TRMU: variants seen among roughly 807,000 people sequenced by gnomAD.
TRMU encodes the protein mitochondrial tRNA-specific 2-thiouridylase 1.
A neutral mutation model predicts 46.9 loss-of-function variants in TRMU; 49 were observed. The observed-to-expected ratio is 1.05, with a 90% CI of 0.83 to 1.33. The LOEUF (loss-of-function observed/expected upper bound fraction) is 1.33, where lower values mean the gene tolerates loss of function less well. Ranked by LOEUF, TRMU falls within the 40% of genes most tolerant of loss-of-function variation. TRMU has a pLI of 0.00. For synonymous variants in TRMU, 241 were observed against 200.9 expected (o/e 1.20, Z -1.69); for missense variants, 572 against 532.4 (o/e 1.07, Z -0.73).
chr22:46,355,456 G>C lies in TRMU; in HGVS notation c.886G>C (p.Asp296His). Residue 296 changes from aspartate to histidine, a missense_variant, in exon 9 of 11, where the codon GAC becomes CAC. By Grantham distance (81) the Asp-to-His change is moderately conservative. Transcript: ENST00000645190. ...TTCCATTCTGCAGGCCCCCCGGACA[G>C]ACCACCCAGCCCTGTACAGGGACCT... ...KGDVFVAPRT[D>H]HPALYRDLLR... 1 of 1,612,836 alleles carries C rather than the reference G, an allele frequency of 6.2e-7. No homozygotes were observed. Among genetic ancestry groups the C allele is most frequent in the Non-Finnish European group, 8.5e-7 (1 of 1,179,728 alleles).
At chr22:46,355,941 G>A (rs371352968) in intron 9 of TRMU, 49 bp from the exon 10 acceptor site, 62 of 1,602,732 alleles carry the variant, frequency 3.9e-5, no homozygotes, top group Non-Finnish European at 4.8e-5. Flanking sequence ...GCCTGAGGTC[G>A]ACCAGGAAAG....
rs998591992 is a variant in TRMU at position 46,350,969 on chromosome 22, G to A, written c.651+506G>A. ...CTTCGCCTCCATGGAGCCCGCCCGC[G>A]AGTGGGGGACACAGGCAGGAGGCCA... is the stretch of plus-strand genomic sequence containing the variant. On this transcript the variant is annotated intron_variant, in intron 5 of 10. Coordinates refer to ENST00000645190, the MANE Select transcript of TRMU (RefSeq NM_018006.5). This position sits in a 1 kb window ranked among gnomAD's most constrained non-coding sequence, Gnocchi z 4.6. 1.6e-4 allele frequency among the ~76,000 whole-genome samples: 24 copies of A among 152,326 alleles called. No individual in the cohort carries two copies. Among genetic ancestry groups the A allele is most frequent in the African/African-American group, 5.3e-4 (22 of 41,574 alleles).
Position 46,349,365 on chromosome 22 carries a change from G to C in TRMU, c.479-926G>C, listed in dbSNP as rs1046122688. 1.3e-5 allele frequency among the ~76,000 whole-genome samples: 2 copies of C among 152,144 alleles called. No individual in the cohort carries two copies. Among genetic ancestry groups the C allele is most frequent in the Admixed American group, 1.3e-4 (2 of 15,282 alleles). Reference sequence around the variant, plus strand: ...CTCCAGTCTCCCCTCTGTAACGTGGGGAGAATTCTCCCTCTCACGGCTAAC... The same window carrying C: ...CTCCAGTCTCCCCTCTGTAACGTGGCGAGAATTCTCCCTCTCACGGCTAAC... On this transcript the variant is annotated intron_variant, in intron 4 of 10. Transcript: ENST00000645190. This position sits in a 1 kb window ranked among gnomAD's most constrained non-coding sequence, Gnocchi z 4.6.
chr22:46,346,640 C>A, intron 4 of TRMU, 96 bp downstream of exon 4: 1 of 1,421,128 alleles, frequency 7.0e-7, no homozygotes, highest in South Asian at 1.1e-5. Flanking sequence ...TCACTGCCAC[C>A]CCTCCCTCTG....
intron 7 of TRMU, chr22:46,353,550 A>G (rs2147102064): frequency 2.0e-6 from 1 of 487,942 alleles, no homozygotes; most frequent in Admixed American, 2.6e-5. Context: ...TGTGGCCACC[A>G]CACCCCATGT....
At chr22:46,352,577 GA>G in intron 7 of TRMU, 4 of 594,322 alleles carry the variant, frequency 6.7e-6, no homozygotes, top group Non-Finnish European at 1.2e-5. Context: ...CTCTGACTTG[GA>G]AGGACTATAC....
Position 46,350,195 on chromosome 22 carries a change from A to T in TRMU, c.479-96A>T. ...TGTTGATGTCTGCCTCTGACAGGCT[A>T]GGGGTAGTCTGTCTAAGTGAACAGA... On this transcript the variant is annotated intron_variant, in intron 4 of 10. Coordinates refer to ENST00000645190, the MANE Select transcript of TRMU (RefSeq NM_018006.5). The surrounding 1 kb of genome is among the most constrained non-coding windows in gnomAD (Gnocchi z 4.6). 1 of 1,458,848 alleles carries T rather than the reference A, an allele frequency of 6.9e-7. No homozygotes were observed. The highest frequency in any genetic ancestry group is 9.6e-7 in the Non-Finnish European group (1 of 1,046,206). The allele number at this position is 1,458,848 out of a possible 1,614,324, so 90.4% of individuals were successfully genotyped here.
chr22:46,343,593 C>T (rs536487838), intron 3 of TRMU, among the ~76,000 whole-genome samples: 4 of 152,076 alleles, frequency 2.6e-5, no homozygotes, highest in Non-Finnish European at 4.4e-5. Flanking sequence ...CCAGGCTGGT[C>T]TCAGATTTCT....
Position 46,350,523 on chromosome 22 carries a change from G to A in TRMU, c.651+60G>A, listed in dbSNP as rs914619303. 4.9e-5 allele frequency: 79 copies of A among 1,597,954 alleles called. No homozygotes were observed. The highest frequency in any genetic ancestry group is 2.0e-4 in the East Asian group (9 of 44,784). Reference sequence around the variant, plus strand: ...TTTCCCTTTCCCGACTGCATGGCACGGAGCAGCTGGACCTGTGGGTCCCGC... The same window carrying A: ...TTTCCCTTTCCCGACTGCATGGCACAGAGCAGCTGGACCTGTGGGTCCCGC... On this transcript the variant is annotated intron_variant, in intron 5 of 10. Coordinates refer to ENST00000645190, the MANE Select transcript of TRMU (RefSeq NM_018006.5). The surrounding 1 kb of genome is among the most constrained non-coding windows in gnomAD (Gnocchi z 4.6).
At chr22:46,340,896 C>T (rs1218230787) in intron 2 of TRMU, among the ~76,000 whole-genome samples, 3 of 152,262 alleles carry the variant, frequency 2.0e-5, no homozygotes, top group Non-Finnish European at 4.4e-5. Context: ...GAGGTCGCCC[C>T]TGGCTCCAGC....
At position 46,350,271 on chromosome 22, in the gene TRMU, T is replaced by C. The variant is rs1180059676; in HGVS notation, c.479-20T>C. The C allele has an allele frequency of 6.2e-7, 1 of 1,614,040 alleles. No homozygotes were observed. Among genetic ancestry groups the C allele is most frequent in the Admixed American group, 1.7e-5 (1 of 60,002 alleles). On this transcript the variant is annotated intron_variant, in intron 4 of 10. Coordinates refer to ENST00000645190, the MANE Select transcript of TRMU (RefSeq NM_018006.5). The surrounding 1 kb of genome is among the most constrained non-coding windows in gnomAD (Gnocchi z 4.6). ...ATTATTTTTATTCCTGCATCGTCTTTTGTTCTTTATTCTTGGCAGCGGTAA... is the reference window on the plus strand; with the variant it reads ...ATTATTTTTATTCCTGCATCGTCTTCTGTTCTTTATTCTTGGCAGCGGTAA...
In TRMU at chr22:46,343,192, T is replaced by C. The variant is rs533863515; in HGVS notation, c.249-70T>C. The C allele has an allele frequency of 1.6e-4, 179 of 1,133,516 alleles. 2 individuals carry two copies. In the South Asian group the frequency reaches 2.2e-3, roughly 14 times the overall value. 70.2% of individuals were successfully genotyped at this position (1,133,516 alleles called of 1,614,324 possible). ...GGGAAATTACATTAAACAAGCAATT[T>C]AGTGAACTTTTTTTTTTTTTTTGAG... On this transcript the variant is annotated intron_variant, in intron 2 of 10. Transcript: ENST00000645190.
Position 46,337,794 on chromosome 22 carries a change from G to A in TRMU, c.98G>A (p.Gly33Glu), listed in dbSNP as rs2078017116. The A allele has an allele frequency of 3.1e-6, 5 of 1,614,080 alleles. No individual in the cohort carries two copies. In the South Asian group the frequency reaches 3.3e-5, roughly 11 times the overall value. Residue 33 changes from glycine to glutamate, a missense_variant, in exon 2 of 11, where the codon GGG (glycine) becomes GAG (glutamate). Transcript: ENST00000645190. ...CCGCCCGCAGGTTACCAGGTGACAG[G>A]GGTGTTTATGAAGAACTGGGACTCA... ...LLRRRGYQVT[G>E]VFMKNWDSLD...
In TRMU at chr22:46,337,918, A is replaced by C; in HGVS notation, c.222A>C (p.Val74=). ...LDIPFHQVSY[V]KEYWNDVFSD... is the part of the protein sequence containing the mutation. ...TCCCTTTCCATCAAGTGTCCTACGTAAAGGAGTATTGGAATGATGTGTTCA... is the reference window on the plus strand; with the variant it reads ...TCCCTTTCCATCAAGTGTCCTACGTCAAGGAGTATTGGAATGATGTGTTCA... The change falls in exon 2 of 11, where the codon GTA becomes GTC. Residue 74 remains valine, a synonymous_variant. Transcript: ENST00000645190. 1 of 1,614,204 alleles carries C rather than the reference A, an allele frequency of 6.2e-7. No individual in the cohort carries two copies. The highest frequency in any genetic ancestry group is 8.5e-7 in the Non-Finnish European group (1 of 1,180,026).
intron 2 of TRMU, among the ~76,000 whole-genome samples, chr22:46,341,366 A>G (rs1434832254): frequency 6.6e-6 from 1 of 152,230 alleles, no homozygotes; most frequent in Non-Finnish European, 1.5e-5. Flanking sequence ...GTAACTTTCT[A>G]ATAATTAAAG....
Position 46,335,976 on chromosome 22 carries a change from T to C in TRMU, c.82+130T>C, listed in dbSNP as rs112433524. On this transcript the variant is annotated intron_variant, in intron 1 of 10. Transcript: ENST00000645190. The stretch of plus-strand genomic sequence containing the variant: ...GGTTGCGCGCGGGTCGGCAGGAGGA[T>C]ACCCCGTCCTCTGACTTTGGTTCGG... 0.019 allele frequency: 28,594 copies of C among 1,468,676 alleles called. 4,505 individuals are homozygous for C. The African/African-American group carries it at 0.35, about 18-fold the overall frequency. 91.0% of individuals were successfully genotyped at this position (1,468,676 alleles called of 1,614,324 possible).
At chr22:46,344,104 T>G (rs141800511) in intron 3 of TRMU, among the ~76,000 whole-genome samples, 80 of 152,314 alleles carry the variant, frequency 5.3e-4, no homozygotes, top group African/African-American at 1.8e-3. Flanking sequence ...TTAATAGAGA[T>G]AAATGCAAAG....
chr22:46,352,222 T>C (rs1166939209), intron 6 of TRMU, 42 bp from the exon 7 acceptor site: 7 of 1,613,970 alleles, frequency 4.3e-6, no homozygotes, highest in Admixed American at 1.7e-5. Flanking sequence ...GTGTCTGCCC[T>C]GGGCCTAGAT....
chr22:46,343,411 G>C (rs749682204), intron 3 of TRMU, 43 bp downstream of exon 3: 1 of 1,431,626 alleles, frequency 7.0e-7, no homozygotes, highest in Non-Finnish European at 9.8e-7. Context: ...TTAAAGACAG[G>C]GTCTCGCTCT....
Sources: allele counts gnomAD v4.1 joint callset (sites outside exome capture counted in the v4.1 genomes callset), GRCh38; gene constraint gnomAD v4.1.1; non-coding constraint Gnocchi (gnomAD v3.1); transcripts MANE v1.5; gene names NCBI Gene and HGNC (gene_info 2026-07-23, HGNC 2026-07-21).